Variants in EVC observed in about 807,000 individuals in gnomAD.
EVC encodes EvC ciliary complex subunit 1, also known as evC complex member EVC.
Under a neutral mutation model 118.9 loss-of-function variants are expected in EVC, and 116 were observed. The observed-to-expected ratio is 0.98, with a 90% confidence interval of 0.84 to 1.14. EVC has a LOEUF of 1.14. Ranked by LOEUF, EVC falls within the 50% of genes most tolerant of loss-of-function variation. The pLI is 0.00. For missense variants in EVC, 1,401 were observed against 1,246.4 expected, an observed-to-expected ratio of 1.12 and a Z score of -1.87; for synonymous variants, 619 against 534.7, an observed-to-expected ratio of 1.16 and a Z score of -2.18.
rs188087791 is a variant in EVC, at chr4:5,750,924, C to A, written c.1099-1912C>A. 4.0e-3 allele frequency among the ~76,000 whole-genome samples: 608 copies of A among 152,246 alleles called. 4 individuals carry two copies. Among genetic ancestry groups the A allele is most frequent in the African/African-American group, 0.014 (585 of 41,530 alleles). On this transcript the variant is annotated intron_variant, in intron 8 of 20. Transcript: ENST00000264956. Reference sequence around the variant, plus strand: ...CAGAACACAGAAGAGTTGGAATTCCCAGGGCGGCATCCCATCTTTCTGGCC... The same window carrying A: ...CAGAACACAGAAGAGTTGGAATTCCAAGGGCGGCATCCCATCTTTCTGGCC...
intron 7 of EVC, 49 bp downstream of exon 7, chr4:5,745,390 A>G (rs1560323641): frequency 1.2e-6 from 2 of 1,601,174 alleles, no homozygotes; most frequent in African/African-American, 2.7e-5. Flanking sequence ...TTCCTAAAAC[A>G]GTTAAATTGG....
the EVC span, among the ~76,000 whole-genome samples, chr4:5,822,977 A>C: frequency 6.6e-6 from 1 of 151,892 alleles, no homozygotes; most frequent in Non-Finnish European, 1.5e-5. Context: ...TGACCTACCC[A>C]CTGTACCCTT....
chr4:5,808,712 A>G (rs2152389187), intron 18 of EVC, among the ~76,000 whole-genome samples: 1 of 152,352 alleles, frequency 6.6e-6, no homozygotes, highest in Non-Finnish European at 1.5e-5. Flanking sequence ...GCTAAAGTTT[A>G]CACTTTATTT....
intron 12 of EVC, among the ~76,000 whole-genome samples, chr4:5,786,680 T>C (rs923722292): frequency 6.6e-6 from 1 of 152,174 alleles, no homozygotes; most frequent in Non-Finnish European, 1.5e-5. Flanking sequence ...GAGACCATCC[T>C]GGCTAACATG....
At chr4:5,734,173 C>CG (rs1727308530) in intron 5 of EVC, among the ~76,000 whole-genome samples, 1 of 151,948 alleles carries the variant, frequency 6.6e-6, no homozygotes, top group African/African-American at 2.4e-5. Flanking sequence ...ATCAAGATGA[C>CG]GGGGGTTAAA....
At chr4:5,827,813 A>G in the EVC span, among the ~76,000 whole-genome samples, 1 of 152,008 alleles carries the variant, frequency 6.6e-6, no homozygotes, top group Admixed American at 6.6e-5. Context: ...TGCCATGGGG[A>G]TGGGAGGGCC....
At chr4:5,785,288 G>A (rs1372369928) in intron 12 of EVC, among the ~76,000 whole-genome samples, 1 of 152,212 alleles carries the variant, frequency 6.6e-6, no homozygotes, top group African/African-American at 2.4e-5. Context: ...GTCTCAGACA[G>A]CCCTGAGCCC....
At chr4:5,793,821 C>G in intron 13 of EVC, 104 bp downstream of exon 13, 1 of 853,026 alleles carries the variant, frequency 1.2e-6, no homozygotes, top group Non-Finnish European at 2.0e-6. Flanking sequence ...TGCCCCTCAG[C>G]TTCCTTTGAA....
chr4:5,805,423 G>T (rs1324373469), intron 17 of EVC, among the ~76,000 whole-genome samples: 2 of 152,214 alleles, frequency 1.3e-5, no homozygotes, highest in Non-Finnish European at 2.9e-5. Flanking sequence ...CTGTTCTTAG[G>T]AAGCTGCTCA....
intron 4 of EVC, among the ~76,000 whole-genome samples, chr4:5,732,958 C>T (rs1274745839): frequency 1.3e-5 from 2 of 152,126 alleles, no homozygotes; most frequent in African/African-American, 2.4e-5. Context: ...TGCAGTAAGC[C>T]GTGATTGTAC....
At chr4:5,806,901 CT>C (rs1378218141) in intron 17 of EVC, among the ~76,000 whole-genome samples, 1 of 152,168 alleles carries the variant, frequency 6.6e-6, no homozygotes, top group East Asian at 1.9e-4. Flanking sequence ...ATGATATCTC[CT>C]TGTGGCTTTA....
chr4:5,775,296 A>G (rs1453650146), intron 11 of EVC, among the ~76,000 whole-genome samples: 1 of 152,144 alleles, frequency 6.6e-6, no homozygotes, highest in Non-Finnish European at 1.5e-5. Flanking sequence ...CAAATTAACA[A>G]ATGATTATTG....
At chr4:5,803,663 T>C (rs1045904361) in intron 16 of EVC, among the ~76,000 whole-genome samples, 2 of 152,186 alleles carry the variant, frequency 1.3e-5, no homozygotes, top group Non-Finnish European at 2.9e-5. Flanking sequence ...CCACATCAAC[T>C]CCTTTTTCCT....
chr4:5,763,362 T>G (rs1732368760), intron 11 of EVC, among the ~76,000 whole-genome samples: 1 of 147,246 alleles, frequency 6.8e-6, no homozygotes, highest in South Asian at 2.2e-4. Context: ...TCTTTTGGCT[T>G]AGGATTGACT....
chr4:5,730,790 A>T (rs1726677837), intron 3 of EVC, among the ~76,000 whole-genome samples: 1 of 152,054 alleles, frequency 6.6e-6, no homozygotes, highest in African/African-American at 2.4e-5. Context: ...AGAATTATGA[A>T]GTCACCAGGA....
chr4:5,780,220 C>T (rs1202510666), intron 11 of EVC, among the ~76,000 whole-genome samples: 1 of 152,202 alleles, frequency 6.6e-6, no homozygotes, highest in African/African-American at 2.4e-5. Context: ...CATCAAAAAG[C>T]TTATCCACCA....
In EVC at chr4:5,767,288, C is replaced by A. The variant is rs201440385; in HGVS notation, c.1563+10926C>A. ...ATCTCCAGCTGCATGCTGGGAGAAC[C>A]ACTGCTCTCTTCAAAGCTGTCAGAC... On this transcript the variant is annotated intron_variant, in intron 11 of 20. Transcript: ENST00000264956. Among the ~76,000 whole-genome samples, 72 of 150,170 alleles carry A rather than the reference C, an allele frequency of 4.8e-4. 3 individuals are homozygous for A. The East Asian group carries it at 0.014, about 30-fold the overall frequency.
chr4:5,719,035 A>C lies in EVC; in HGVS notation c.175-213A>C, dbSNP rs1724473212. On this transcript the variant is annotated intron_variant, in intron 1 of 20. Transcript: ENST00000264956. The surrounding 1 kb of genome is among the most constrained non-coding windows in gnomAD (Gnocchi z 4.7). ...GAGGCCTTAGGGGAACCGCTCAGGA[A>C]GGTGACCTGTGCAGTCTTGAAGGAC... 6.6e-6 allele frequency among the ~76,000 whole-genome samples: 1 copy of C among 152,152 alleles called. No homozygotes were observed. Among genetic ancestry groups the C allele is most frequent in the Admixed American group, 6.5e-5 (1 of 15,270 alleles).
the EVC span, among the ~76,000 whole-genome samples, chr4:5,820,530 A>G: frequency 3.6e-3 from 549 of 152,314 alleles, 3 homozygotes; most frequent in African/African-American, 0.013. Context: ...GAGGGAATCA[A>G]TGCAAGATTT....
Sources: allele counts gnomAD v4.1 joint callset (sites outside exome capture counted in the v4.1 genomes callset), GRCh38; gene constraint gnomAD v4.1.1; non-coding constraint Gnocchi (gnomAD v3.1); transcripts MANE v1.5; gene names NCBI Gene and HGNC (gene_info 2026-07-23, HGNC 2026-07-21).